SUCLA2: variants seen among roughly 807,000 people sequenced by gnomAD.
The protein encoded by SUCLA2 is succinate-CoA ligase ADP-forming subunit beta, also known as succinate--CoA ligase [ADP-forming] subunit beta, mitochondrial.
A neutral mutation model predicts 54.8 loss-of-function variants in SUCLA2; 30 were observed. The observed-to-expected ratio is 0.55, with a 90% CI of 0.41 to 0.74. SUCLA2 has a LOEUF of 0.74. Among genes scored for constraint, SUCLA2 ranks in the 30% least tolerant of loss-of-function variants. The pLI is 0.00. For synonymous variants in SUCLA2, 172 were observed against 188.9 expected, an observed-to-expected ratio of 0.91 and a Z score of 0.74; for missense variants, 476 against 562.9, an observed-to-expected ratio of 0.85 and a Z score of 1.56.
At chr13:47,995,257 T>C (rs778027159) in intron 2 of SUCLA2, among the ~76,000 whole-genome samples, 3 of 152,178 alleles carry the variant, frequency 2.0e-5, no homozygotes, top group Non-Finnish European at 1.5e-5. Flanking sequence ...GACGTAATTA[T>C]ATATAAATCA....
At position 47,949,557 on chromosome 13, in the gene SUCLA2, T is replaced by C. The variant is rs780495975; in HGVS notation, c.1154A>G (p.Asp385Gly). 2 of 1,613,410 alleles carry C rather than the reference T, an allele frequency of 1.2e-6. No individual in the cohort carries two copies. The highest frequency in any genetic ancestry group is 1.3e-5 in the African/African-American group (1 of 74,988). The change falls in exon 9 of 11, where the codon GAT becomes GGT. Residue 385 changes from aspartate to glycine, a missense_variant. Asp to Gly is a moderately conservative substitution (Grantham distance 94). This residue lies in a region of SUCLA2 where 342 missense variants were observed against 444.2 expected (regional missense o/e 0.77). Transcript: ENST00000646932. ...CATGACTATACCCTGTGCAATAACA[T>C]CACAGCGCATGATTCCTCCAAAAAT... ...VNIFGGIMRC[D>G]VIAQGIVMAV...
At chr13:47,984,448 C>T (rs906452804) in intron 4 of SUCLA2, among the ~76,000 whole-genome samples, 7 of 151,820 alleles carry the variant, frequency 4.6e-5, no homozygotes, top group South Asian at 2.1e-4. Context: ...ATGATCCGCC[C>T]GCCTCAGCCT....
rs1950228679 is a variant in SUCLA2, at chr13:48,001,186, A to G, written c.84T>C (p.Ala28=). Residue 28 remains alanine, a synonymous_variant, in exon 1 of 11, where the codon GCT becomes GCC. Transcript: ENST00000646932. ...NHRPRTAQRA[A]AQVLGSSGLF... ...GCGGACTGGAAGGCATTACCTGAGCAGCAGCCCGCTGGGCCGTCCGAGGCC... is the reference window on the plus strand; with the variant it reads ...GCGGACTGGAAGGCATTACCTGAGCGGCAGCCCGCTGGGCCGTCCGAGGCC... The G allele has an allele frequency of 6.2e-7, 1 of 1,609,188 alleles. No homozygotes were observed. The highest frequency in any genetic ancestry group is 1.7e-5 in the Admixed American group (1 of 59,380).
rs563391909 is a variant in SUCLA2 at position 47,957,318 on chromosome 13, T to C, written c.803-2761A>G. On this transcript the variant is annotated intron_variant, in intron 6 of 10. Coordinates refer to ENST00000646932, the MANE Select transcript of SUCLA2 (RefSeq NM_003850.3). The stretch of plus-strand genomic sequence containing the variant: ...GCAATACTTGTCTCAGTAATTGGCT[T>C]TCTGTGTGGCGAGCAGCAGGACCTA... Among the ~76,000 whole-genome samples the C allele has an allele frequency of 1.2e-4, 18 of 152,334 alleles. No individual in the cohort carries two copies. The Middle Eastern group carries it at 0.014, about 115-fold the overall frequency.
intron 4 of SUCLA2, among the ~76,000 whole-genome samples, chr13:47,984,504 AC>A (rs879384776): frequency 9.9e-5 from 15 of 152,080 alleles, no homozygotes; most frequent in Admixed American, 5.2e-4. Flanking sequence ...GCCCAGCCCT[AC>A]TTTTCACTTT....
chr13:47,973,480 T>C lies in SUCLA2; in HGVS notation c.535-88A>G, dbSNP rs956336678. 1.6e-4 allele frequency: 234 copies of C among 1,452,928 alleles called. 1 individual carries two copies. The East Asian group carries it at 5.3e-3, about 33-fold the overall frequency. The allele number at this position is 1,452,928 out of a possible 1,614,324, so 90.0% of individuals were successfully genotyped here. A position where few individuals can be genotyped will look rare whatever the true frequency, so the allele number is the denominator to read the frequency against. The stretch of plus-strand genomic sequence containing the variant: ...AAACCTACCCGTGCATAATATCAGA[T>C]GTAAGCATCTATTACTCTCTACCCA... On this transcript the variant is annotated intron_variant, in intron 4 of 10. Transcript: ENST00000646932.
chr13:47,988,302 C>T, intron 4 of SUCLA2: 1 of 534,204 alleles, frequency 1.9e-6, no homozygotes, highest in Non-Finnish European at 3.2e-6. Context: ...TTTGAGAATC[C>T]CATGAAATTT....
At chr13:47,999,016 A>T (rs1950209610) in intron 1 of SUCLA2, among the ~76,000 whole-genome samples, 1 of 152,186 alleles carries the variant, frequency 6.6e-6, no homozygotes, top group African/African-American at 2.4e-5. Context: ...TAGGGACACT[A>T]AAAAAATAAA....
At chr13:47,943,782 T>TATATATATA (rs879679737) in intron 10 of SUCLA2, among the ~76,000 whole-genome samples, 2,611 of 118,420 alleles carry the variant, frequency 0.022, 29 homozygotes, top group South Asian at 0.042. Context: ...ATATATATAT[T>TATATATATA]ATTCTAAATT....
rs778680937 is a variant in SUCLA2 at position 47,949,589 on chromosome 13, C to A, written c.1122G>T (p.Leu374=). Residue 374 remains leucine (L), a synonymous_variant, in exon 9 of 11, where the codon CTG becomes CTT. Transcript: ENST00000646932. ...GCATGATTCCTCCAAAAATGTTGACCAGAATAGCCAGTACCTATGAATAAA... is the reference window on the plus strand; with the variant it reads ...GCATGATTCCTCCAAAAATGTTGACAAGAATAGCCAGTACCTATGAATAAA... ...ITSDKKVLAI[L]VNIFGGIMRC... 8.1e-6 allele frequency: 13 copies of A among 1,613,308 alleles called. No individual in the cohort carries two copies. The highest frequency in any genetic ancestry group is 1.1e-5 in the Non-Finnish European group (13 of 1,179,550).
chr13:47,996,556 A>G (rs568215796), intron 2 of SUCLA2, among the ~76,000 whole-genome samples: 135 of 152,088 alleles, frequency 8.9e-4, no homozygotes, highest in African/African-American at 3.2e-3. Flanking sequence ...GAGTGGTAGT[A>G]GTAGAATTCC....
At chr13:47,949,175 C>G (rs1446767548) in intron 9 of SUCLA2, 147 bp from the exon 10 acceptor site, 1 of 846,320 alleles carries the variant, frequency 1.2e-6, no homozygotes, top group Non-Finnish European at 1.9e-6. Context: ...AAAGAAAACA[C>G]TGTAAAAGCC....
intron 4 of SUCLA2, among the ~76,000 whole-genome samples, chr13:47,981,590 G>T (rs953019917): frequency 1.3e-5 from 2 of 152,206 alleles, no homozygotes; most frequent in African/African-American, 4.8e-5. Flanking sequence ...GCCAAAGCAG[G>T]CAGAACACCT....
chr13:47,950,638 C>G (rs1949768579), intron 8 of SUCLA2, among the ~76,000 whole-genome samples: 1 of 152,140 alleles, frequency 6.6e-6, no homozygotes. Flanking sequence ...TTCTCCTATC[C>G]TTTCCAAATA....
chr13:47,966,857 T>A (rs1949923737), intron 6 of SUCLA2, among the ~76,000 whole-genome samples: 1 of 151,862 alleles, frequency 6.6e-6, no homozygotes, highest in African/African-American at 2.4e-5. Context: ...TACAAAAAAT[T>A]TTAAAAAGAA....
At chr13:47,985,608 T>C (rs1245255105) in intron 4 of SUCLA2, among the ~76,000 whole-genome samples, 1 of 152,196 alleles carries the variant, frequency 6.6e-6, no homozygotes, top group Non-Finnish European at 1.5e-5. Context: ...ATGGTGTATA[T>C]GTACCACATT....
At chr13:47,971,462 C>T (rs1328885273) in intron 5 of SUCLA2, 1 of 159,746 alleles carries the variant, frequency 6.3e-6, no homozygotes, top group Non-Finnish European at 1.4e-5. Flanking sequence ...ATTTTTATAT[C>T]CAAAGCAAAC....
intron 4 of SUCLA2, among the ~76,000 whole-genome samples, chr13:47,977,574 T>C (rs1950026408): frequency 6.6e-6 from 1 of 152,258 alleles, no homozygotes; most frequent in African/African-American, 2.4e-5. Flanking sequence ...GGACTTTACA[T>C]CATGATCAAG....
At chr13:47,948,224 G>C (rs926151662) in intron 10 of SUCLA2, among the ~76,000 whole-genome samples, 3 of 152,152 alleles carry the variant, frequency 2.0e-5, no homozygotes, top group Non-Finnish European at 2.9e-5. Flanking sequence ...GATTGGGCAG[G>C]AGCTGACCGT....
Sources: gnomAD v4.1 joint callset for allele counts (sites outside exome capture counted in the v4.1 genomes callset) on GRCh38, gnomAD v4.1.1 for gene constraint, gnomAD v4.1.1 regional missense constraint, MANE v1.5 for transcripts, NCBI Gene and HGNC (gene_info 2026-07-23, HGNC 2026-07-21) for gene names.